The following ZSWIM5 variants were observed in gnomAD, a reference collection of about 807,000 sequenced individuals.
The protein encoded by ZSWIM5 is zinc finger SWIM-type containing 5.
A neutral mutation model predicts 119.6 loss-of-function variants in ZSWIM5; 55 were observed. The observed-to-expected ratio is 0.46, with a 90% CI of 0.37 to 0.58. The LOEUF (loss-of-function observed/expected upper bound fraction) is 0.58, where lower values mean the gene tolerates loss of function less well. Among genes scored for constraint, ZSWIM5 ranks in the 20% least tolerant of loss-of-function variants. ZSWIM5 has a pLI of 0.00. For missense variants in ZSWIM5, 1,193 were observed against 1,512.8 expected, an observed-to-expected ratio of 0.79 and a Z score of 3.51; for synonymous variants, 537 against 606.9, an observed-to-expected ratio of 0.88 and a Z score of 1.69.
intron 1 of ZSWIM5, among the ~76,000 whole-genome samples, chr1:45,167,160 A>G (rs1645910657): frequency 6.6e-6 from 1 of 152,004 alleles, no homozygotes; most frequent in Admixed American, 6.6e-5. Context: ...GCCCTCGGAA[A>G]TAATACCACA....
rs1213313594 is a variant in ZSWIM5 at position 45,146,651 on chromosome 1, G to T, written c.596-58414C>A. ...GACAGGGTTTCACCATGTTGGCCAGGCTGGTCTCGAACTCCTGGCCTCAAG... is the reference window on the plus strand; with the variant it reads ...GACAGGGTTTCACCATGTTGGCCAGTCTGGTCTCGAACTCCTGGCCTCAAG... On this transcript the variant is annotated intron_variant, in intron 1 of 13. Coordinates refer to ENST00000359600, the MANE Select transcript of ZSWIM5 (RefSeq NM_020883.2). Among the ~76,000 whole-genome samples the T allele has an allele frequency of 2.0e-5, 3 of 151,486 alleles. No individual in the cohort carries two copies. The East Asian group carries it at 5.8e-4, about 29-fold the overall frequency.
At chr1:45,054,201 C>A (rs1163822192) in intron 4 of ZSWIM5, among the ~76,000 whole-genome samples, 1 of 151,958 alleles carries the variant, frequency 6.6e-6, no homozygotes, top group African/African-American at 2.4e-5. Context: ...TTTCTTGATC[C>A]CAGGAGTTTG....
chr1:45,149,354 C>T (rs1054107576), intron 1 of ZSWIM5, among the ~76,000 whole-genome samples: 3 of 152,146 alleles, frequency 2.0e-5, no homozygotes, highest in Non-Finnish European at 2.9e-5. Context: ...GAAAATCATA[C>T]TACGTTTTCA....
intron 1 of ZSWIM5, among the ~76,000 whole-genome samples, chr1:45,091,702 A>AAC (rs1645365330): frequency 6.6e-6 from 1 of 151,850 alleles, no homozygotes. Flanking sequence ...AACCAACCAA[A>AAC]CAAACAAACA....
chr1:45,137,660 C>G (rs985738136), intron 1 of ZSWIM5, among the ~76,000 whole-genome samples: 5 of 152,104 alleles, frequency 3.3e-5, no homozygotes. Context: ...GATCCAAAGA[C>G]AGGAACATGC....
chr1:45,121,812 G>A (rs1367912901), intron 1 of ZSWIM5, among the ~76,000 whole-genome samples: 2 of 151,920 alleles, frequency 1.3e-5, no homozygotes, highest in Non-Finnish European at 2.9e-5. Context: ...TGGTCTAAAT[G>A]ACGGGGCTCA....
chr1:45,090,825 T>G (rs1570085495), intron 1 of ZSWIM5, among the ~76,000 whole-genome samples: 3 of 146,152 alleles, frequency 2.1e-5, no homozygotes, highest in African/African-American at 5.3e-5. Context: ...CCCTGTCTCT[T>G]TAAGAAAAAG....
chr1:45,141,922 C>T (rs12087402), intron 1 of ZSWIM5, among the ~76,000 whole-genome samples: 53 of 152,210 alleles, frequency 3.5e-4, no homozygotes, highest in Admixed American at 5.9e-4. Context: ...TCTTCTTTAT[C>T]TGCATTGTTT....
chr1:45,120,059 A>G (rs930273591), intron 1 of ZSWIM5, among the ~76,000 whole-genome samples: 13 of 152,140 alleles, frequency 8.5e-5, no homozygotes, highest in Non-Finnish European at 1.5e-4. Context: ...CAAAACCCAT[A>G]CAAGCCAGGC....
intron 1 of ZSWIM5, among the ~76,000 whole-genome samples, chr1:45,194,612 T>C (rs1321527784): frequency 6.6e-6 from 1 of 152,102 alleles, no homozygotes; most frequent in Admixed American, 6.6e-5. Context: ...GCGCGGTGGC[T>C]CACACCTGTA....
At chr1:45,160,765 C>G (rs1645858675) in intron 1 of ZSWIM5, among the ~76,000 whole-genome samples, 1 of 151,236 alleles carries the variant, frequency 6.6e-6, no homozygotes, top group African/African-American at 2.4e-5. Context: ...AAGCGATTCT[C>G]CTGCCTCAAA....
chr1:45,119,325 T>C (rs895510537), intron 1 of ZSWIM5, among the ~76,000 whole-genome samples: 3 of 152,228 alleles, frequency 2.0e-5, no homozygotes, highest in African/African-American at 7.2e-5. Context: ...TAAAAGGTCA[T>C]TGTATCATAG....
intron 1 of ZSWIM5, among the ~76,000 whole-genome samples, chr1:45,204,968 G>T (rs185195476): frequency 6.6e-6 from 1 of 152,062 alleles, no homozygotes; most frequent in African/African-American, 2.4e-5. Flanking sequence ...AGTAAAGGAA[G>T]AAATCATTTG....
chr1:45,074,730 C>A (rs1218216349), intron 2 of ZSWIM5, among the ~76,000 whole-genome samples: 2 of 151,370 alleles, frequency 1.3e-5, no homozygotes, highest in Non-Finnish European at 2.9e-5. Flanking sequence ...CTGCTCTGAT[C>A]TTTATTATTT....
At chr1:45,182,342 T>A (rs1377216632) in intron 1 of ZSWIM5, among the ~76,000 whole-genome samples, 102 of 151,062 alleles carry the variant, frequency 6.8e-4, no homozygotes, top group Middle Eastern at 6.8e-3. Flanking sequence ...AGGCGGAGCT[T>A]GCAGTGAGCG....
rs1644855121 is a variant in ZSWIM5 at position 45,016,568 on chromosome 1, G to T, written c.*1886C>A. The T allele has an allele frequency of 6.6e-6, 1 of 152,158 alleles. No individual in the cohort carries two copies. The highest frequency in any genetic ancestry group is 2.4e-5 in the African/African-American group (1 of 41,436). The allele number at this position is 152,158 out of a possible 1,614,324, so 9.4% of individuals were successfully genotyped here. On this transcript the variant is annotated 3_prime_UTR_variant, in exon 14 of 14. Coordinates refer to ENST00000359600, the MANE Select transcript of ZSWIM5 (RefSeq NM_020883.2). ...AGACGTAGGGGCCCTTGGCTGGACA[G>T]TAAGACTTGAGTAGCCACAAATGGC...
At chr1:45,040,362 A>C (rs748798999) in intron 7 of ZSWIM5, 30 bp downstream of exon 7, 1 of 1,568,298 alleles carries the variant, frequency 6.4e-7, no homozygotes, top group Non-Finnish European at 8.6e-7. Flanking sequence ...TTTGGGCCTA[A>C]GGGGGTTAGA....
chr1:45,203,294 T>C (rs1352499426), intron 1 of ZSWIM5, among the ~76,000 whole-genome samples: 2 of 152,064 alleles, frequency 1.3e-5, no homozygotes, highest in South Asian at 2.1e-4. Context: ...ATCTACCTAC[T>C]CTTTCCACAA....
At chr1:45,183,425 C>CA (rs935944419) in intron 1 of ZSWIM5, among the ~76,000 whole-genome samples, 1 of 151,554 alleles carries the variant, frequency 6.6e-6, no homozygotes, top group Admixed American at 6.6e-5. Context: ...AAATAGAGAC[C>CA]AAAAAAACCC....
Sources: gnomAD v4.1 joint callset for allele counts (sites outside exome capture counted in the v4.1 genomes callset) on GRCh38, gnomAD v4.1.1 for gene constraint, MANE v1.5 for transcripts, NCBI Gene and HGNC (gene_info 2026-07-23, HGNC 2026-07-21) for gene names.